Variants in CEP250 observed in about 807,000 individuals in gnomAD.
CEP250 encodes centrosomal protein 250.
Under a neutral mutation model 315.7 loss-of-function variants are expected in CEP250, and 242 were observed. The observed-to-expected ratio is 0.77, with a 90% CI of 0.69 to 0.85. The LOEUF (loss-of-function observed/expected upper bound fraction) is 0.85. CEP250 is among the 40% of genes least tolerant of loss of function. The pLI, the probability that CEP250 is intolerant of heterozygous loss-of-function variation, is 0.00. For synonymous variants in CEP250, 1,088 were observed against 1,175.0 expected (o/e 0.93, Z 1.51); for missense variants, 2,515 against 2,886.4 (o/e 0.87, Z 2.95).
Position 35,494,855 on chromosome 20 carries a change from T to C in CEP250, c.3167+198T>C, listed in dbSNP as rs932551. Among the ~76,000 whole-genome samples, 3,397 of 152,332 alleles carry C rather than the reference T, an allele frequency of 0.022. 143 individuals carry two copies. The highest frequency in any genetic ancestry group is 0.077 in the African/African-American group (3,198 of 41,562). ...ATTTAGTAAATATTTCGTGAACGCCTGTTATGCACCAGGCACCATGCTTGG... is the reference window on the plus strand; with the variant it reads ...ATTTAGTAAATATTTCGTGAACGCCCGTTATGCACCAGGCACCATGCTTGG... On this transcript the variant is annotated intron_variant, in intron 24 of 34. Transcript: ENST00000397527.
intron 22 of CEP250, among the ~76,000 whole-genome samples, chr20:35,491,691 T>G (rs1292269545): frequency 6.6e-6 from 1 of 151,860 alleles, no homozygotes; most frequent in Non-Finnish European, 1.5e-5. Context: ...TCAGTTGAGG[T>G]CAGGAGTTCG....
chr20:35,467,820 G>T (rs2062925374), intron 9 of CEP250, among the ~76,000 whole-genome samples: 1 of 152,044 alleles, frequency 6.6e-6, no homozygotes. Context: ...CAAAGTGCTT[G>T]CCATTCCCAG....
chr20:35,467,606 C>T (rs1237567843), intron 9 of CEP250, 51 bp downstream of exon 9: 2 of 1,583,308 alleles, frequency 1.3e-6, no homozygotes, highest in Non-Finnish European at 8.6e-7. Flanking sequence ...GAGCTGACTC[C>T]TTTAGAGGGT....
Position 35,501,975 on chromosome 20 carries a change from G to T in CEP250, c.4020+9G>T. On this transcript the variant is annotated intron_variant, in intron 29 of 34. Coordinates refer to ENST00000397527, the MANE Select transcript of CEP250 (RefSeq NM_007186.6). ...AGCGAATGGAAGCCCAGGTAAAGTG[G>T]TACTGGTTTCAGGGAGGGGTTTGCC... is the stretch of plus-strand genomic sequence containing the variant. 6.2e-7 allele frequency: 1 copy of T among 1,610,172 alleles called. No homozygotes were observed. The highest frequency in any genetic ancestry group is 2.2e-5 in the East Asian group (1 of 44,868).
At chr20:35,459,627 A>G (rs1185464280) in intron 2 of CEP250, among the ~76,000 whole-genome samples, 18 of 66,596 alleles carry the variant, frequency 2.7e-4, no homozygotes, top group African/African-American at 1.1e-3. Flanking sequence ...TCTACCAAAG[A>G]AAAAAAAAAA....
intron 33 of CEP250, among the ~76,000 whole-genome samples, chr20:35,509,378 C>T (rs189125045): frequency 6.6e-6 from 1 of 152,196 alleles, no homozygotes; most frequent in Non-Finnish European, 1.5e-5. Flanking sequence ...TGGTGCTTGC[C>T]AGCTCCTGAG....
chr20:35,482,957 T>G (rs1187952718), intron 20 of CEP250, among the ~76,000 whole-genome samples: 1 of 152,212 alleles, frequency 6.6e-6, no homozygotes. Context: ...TCTGGAAAAT[T>G]CTTATATATT....
At chr20:35,457,974 A>G in intron 1 of CEP250, among the ~76,000 whole-genome samples, 1 of 152,220 alleles carries the variant, frequency 6.6e-6, no homozygotes, top group Middle Eastern at 3.2e-3. Context: ...GCCCCACATG[A>G]GATTTAAATA....
At chr20:35,508,521 G>T (rs1233357233) in intron 32 of CEP250, among the ~76,000 whole-genome samples, 2 of 152,104 alleles carry the variant, frequency 1.3e-5, no homozygotes, top group Non-Finnish European at 1.5e-5. Flanking sequence ...CACTATGTTG[G>T]CCAGGCTGGT....
rs1029810368 is a variant in CEP250 at position 35,518,151 on chromosome 20, A to G, written c.*6525A>G. 2 of 134,458 alleles carry G rather than the reference A, an allele frequency of 1.5e-5. No individual in the cohort carries two copies. The highest frequency in any genetic ancestry group is 2.1e-4 in the East Asian group (1 of 4,678). 8.3% of individuals were successfully genotyped at this position (134,458 alleles called of 1,614,324 possible). On this transcript the variant is annotated 3_prime_UTR_variant, in exon 35 of 35. Transcript: ENST00000397527. Reference sequence around the variant, plus strand: ...AGCGGGTTTTGTTTTTTTTTTAACTATGTTTTTCTACTGGCTCACTTTATT... The same window carrying G: ...AGCGGGTTTTGTTTTTTTTTTAACTGTGTTTTTCTACTGGCTCACTTTATT...
chr20:35,510,094 C>T, intron 34 of CEP250, 40 bp downstream of exon 34: 4 of 1,580,016 alleles, frequency 2.5e-6, no homozygotes, highest in South Asian at 1.1e-5. Flanking sequence ...CCCTCCCTTG[C>T]ACTCAGGCCC....
At chr20:35,493,053 G>T (rs563485766) in intron 22 of CEP250, among the ~76,000 whole-genome samples, 54 of 151,810 alleles carry the variant, frequency 3.6e-4, no homozygotes, top group African/African-American at 1.3e-3. Flanking sequence ...AAAAAGCAGG[G>T]GTGGGATATG....
Position 35,500,159 on chromosome 20 carries a change from G to A in CEP250, c.3888G>A (p.Gln1296=), listed in dbSNP as rs1288081885. The change falls in exon 28 of 35, where the codon CAG becomes CAA. Residue 1296 remains glutamine (Q), a synonymous_variant. Transcript: ENST00000397527. ...AGGATCTGCAGAGACAGCTCTCCCA[G>A]AATCAGGAAGGTGAGAAGCTCAAGA... ...ELQDLQRQLS[Q]NQEEKSKWEG... 1.2e-6 allele frequency: 2 copies of A among 1,613,742 alleles called. No individual in the cohort carries two copies. The highest frequency in any genetic ancestry group is 4.5e-5 in the East Asian group (2 of 44,886).
chr20:35,471,906 G>T, intron 10 of CEP250, 144 bp from the exon 11 acceptor site: 1 of 614,304 alleles, frequency 1.6e-6, no homozygotes, highest in South Asian at 1.9e-5. Context: ...AGACTCTTCA[G>T]ACAACATTAG....
chr20:35,517,995 G>C lies in CEP250; in HGVS notation c.*6369G>C, dbSNP rs1211643066. The C allele has an allele frequency of 6.7e-6, 1 of 148,764 alleles. No homozygotes were observed. The highest frequency in any genetic ancestry group is 1.5e-5 in the Non-Finnish European group (1 of 67,562). 9.2% of individuals were successfully genotyped at this position (148,764 alleles called of 1,614,324 possible). On this transcript the variant is annotated 3_prime_UTR_variant, in exon 35 of 35. Coordinates refer to ENST00000397527, the MANE Select transcript of CEP250 (RefSeq NM_007186.6). ...GGAGGTCAAGGTTGCAGTGAACCAT[G>C]ATCATGTCACTGCACTCACTCCAGC...
chr20:35,485,570 A>C (rs2063485826), intron 20 of CEP250, among the ~76,000 whole-genome samples: 1 of 144,436 alleles, frequency 6.9e-6, no homozygotes, highest in Non-Finnish European at 1.5e-5. Context: ...AGCTCACTGC[A>C]GCCTCAAACT....
At chr20:35,481,125 C>T (rs2063333695) in intron 20 of CEP250, 1 of 152,068 alleles carries the variant, frequency 6.6e-6, no homozygotes, top group Admixed American at 6.6e-5. Flanking sequence ...GGTCTTAGAA[C>T]ATTTTACCTG....
At chr20:35,466,509 G>C (rs1376270952) in intron 7 of CEP250, among the ~76,000 whole-genome samples, 1 of 152,080 alleles carries the variant, frequency 6.6e-6, no homozygotes, top group Admixed American at 6.5e-5. Context: ...CTGATTCCTG[G>C]TCTGGAGGTC....
chr20:35,469,246 A>G (rs2062965825), intron 9 of CEP250, among the ~76,000 whole-genome samples: 1 of 152,130 alleles, frequency 6.6e-6, no homozygotes, highest in African/African-American at 2.4e-5. Context: ...AGAGTGAGCT[A>G]TGATTGCACC....
Sources: gnomAD v4.1 joint callset for allele counts (sites outside exome capture counted in the v4.1 genomes callset) on GRCh38, gnomAD v4.1.1 for gene constraint, MANE v1.5 for transcripts, NCBI Gene and HGNC (gene_info 2026-07-23, HGNC 2026-07-21) for gene names.